Variants in CMIP observed in about 807,000 individuals in gnomAD.
CMIP encodes the protein c-Maf inducing protein, also known as C-Maf-inducing protein.
Under a neutral mutation model 97.3 loss-of-function variants are expected in CMIP, and 13 were observed. That is an observed-to-expected ratio of 0.13 (90% CI 0.09 to 0.21). CMIP has a LOEUF of 0.21. Among genes scored for constraint, CMIP ranks in the 10% least tolerant of loss-of-function variants. The probability of loss-of-function intolerance (pLI) is 1.00; values close to 1 mark genes in which losing one functional copy is unlikely to be tolerated. For synonymous variants in CMIP, 538 were observed against 436.3 expected, an observed-to-expected ratio of 1.23 and a Z score of -2.91; for missense variants, 847 against 1,024.9, an observed-to-expected ratio of 0.83 and a Z score of 2.37.
chr16:81,510,867 A>G (rs560743278), intron 1 of CMIP, among the ~76,000 whole-genome samples: 1 of 152,086 alleles, frequency 6.6e-6, no homozygotes, highest in Non-Finnish European at 1.5e-5. Flanking sequence ...CTACAGGTGC[A>G]TGCCACCTTG....
chr16:81,556,212 C>T (rs1250377345), intron 1 of CMIP, among the ~76,000 whole-genome samples: 1 of 152,016 alleles, frequency 6.6e-6, no homozygotes, highest in Non-Finnish European at 1.5e-5. Flanking sequence ...TGTTCTAGCC[C>T]GGGTGGGGTG....
At chr16:81,463,003 G>A (rs1436010118) in intron 1 of CMIP, among the ~76,000 whole-genome samples, 2 of 152,222 alleles carry the variant, frequency 1.3e-5, no homozygotes, top group South Asian at 2.1e-4. Flanking sequence ...GCATTTGAAC[G>A]CCTGGAATTT....
At chr16:81,497,535 G>T (rs2089513307) in intron 1 of CMIP, among the ~76,000 whole-genome samples, 1 of 152,222 alleles carries the variant, frequency 6.6e-6, no homozygotes, top group Non-Finnish European at 1.5e-5. Context: ...ATTAGTTTGA[G>T]CCCTACGGGG....
At chr16:81,483,777 A>G (rs2089270971) in intron 1 of CMIP, among the ~76,000 whole-genome samples, 1 of 152,148 alleles carries the variant, frequency 6.6e-6, no homozygotes, top group Admixed American at 6.5e-5. Context: ...TTTGCTATTT[A>G]TATAGCACAG....
intron 1 of CMIP, among the ~76,000 whole-genome samples, chr16:81,571,484 A>G (rs538922691): frequency 6.7e-6 from 1 of 150,370 alleles, no homozygotes; most frequent in East Asian, 2.0e-4. Context: ...GAAAGAGCCC[A>G]GCGCAGTGGC....
intron 16 of CMIP, among the ~76,000 whole-genome samples, chr16:81,702,223 G>C (rs952877809): frequency 5.9e-5 from 9 of 152,202 alleles, no homozygotes; most frequent in Non-Finnish European, 1.0e-4. Context: ...CCCTCAACCA[G>C]TCCCTTCTGG....
chr16:81,545,371 G>T (rs1205623864), intron 1 of CMIP, among the ~76,000 whole-genome samples: 1 of 152,248 alleles, frequency 6.6e-6, no homozygotes, highest in Non-Finnish European at 1.5e-5. Context: ...GCTTCTCGCA[G>T]TGAAGGAGCA....
At chr16:81,493,353 T>G (rs1259874520) in intron 1 of CMIP, among the ~76,000 whole-genome samples, 2 of 79,904 alleles carry the variant, frequency 2.5e-5, no homozygotes, top group African/African-American at 1.0e-4. Flanking sequence ...ACCCTCCGCG[T>G]TACCTGTCGT....
chr16:81,578,710 A>G (rs947262634), intron 1 of CMIP, among the ~76,000 whole-genome samples: 9 of 152,370 alleles, frequency 5.9e-5, no homozygotes, highest in Non-Finnish European at 1.2e-4. Flanking sequence ...ACATCACAAA[A>G]GACTGTGCAT....
intron 1 of CMIP, among the ~76,000 whole-genome samples, chr16:81,467,957 G>T (rs1907307271): frequency 6.7e-6 from 1 of 150,352 alleles, no homozygotes; most frequent in Admixed American, 6.6e-5. Context: ...TGAAATCACG[G>T]CTTACTGCAT....
intron 1 of CMIP, among the ~76,000 whole-genome samples, chr16:81,455,810 G>A (rs1022234630): frequency 6.6e-6 from 1 of 152,204 alleles, no homozygotes. Flanking sequence ...TGGCTCACAG[G>A]ACCCCTTTCT....
chr16:81,565,893 C>T (rs567540458), intron 1 of CMIP, among the ~76,000 whole-genome samples: 4 of 152,310 alleles, frequency 2.6e-5, no homozygotes, highest in African/African-American at 7.2e-5. Context: ...GCTTGGGGAG[C>T]GGGCACAGAT....
chr16:81,663,761 T>C (rs1325339392), intron 6 of CMIP, among the ~76,000 whole-genome samples: 3 of 152,250 alleles, frequency 2.0e-5, no homozygotes, highest in Non-Finnish European at 4.4e-5. Flanking sequence ...TGAGACCAGC[T>C]TGTGGGGTAG....
At chr16:81,448,046 A>G (rs1287004656) in intron 1 of CMIP, among the ~76,000 whole-genome samples, 1 of 152,266 alleles carries the variant, frequency 6.6e-6, no homozygotes, top group African/African-American at 2.4e-5. Flanking sequence ...AAATAAAACA[A>G]AGGTGAATTT....
chr16:81,583,050 TC>T (rs2091322624), intron 1 of CMIP, among the ~76,000 whole-genome samples: 1 of 152,196 alleles, frequency 6.6e-6, no homozygotes, highest in Admixed American at 6.5e-5. Context: ...AAGGAGTGTT[TC>T]TATCTAAAAT....
intron 10 of CMIP, among the ~76,000 whole-genome samples, chr16:81,682,304 C>G (rs922918563): frequency 6.6e-6 from 1 of 152,190 alleles, no homozygotes; most frequent in African/African-American, 2.4e-5. Flanking sequence ...GTGGCTCACA[C>G]CTGTAATCCC....
chr16:81,666,967 TGTG>T (rs2151029778), intron 7 of CMIP: 1 of 99,524 alleles, frequency 1.0e-5, no homozygotes, highest in East Asian at 4.4e-4. Context: ...TCTCAGCTGG[TGTG>T]GGGGGGGGGT....
intron 1 of CMIP, among the ~76,000 whole-genome samples, chr16:81,543,057 C>G (rs879322389): frequency 6.6e-6 from 1 of 152,146 alleles, no homozygotes; most frequent in Non-Finnish European, 1.5e-5. Flanking sequence ...TGGTCTGAGC[C>G]CTGCCCGCTG....
At chr16:81,587,521 A>G (rs927459093) in intron 1 of CMIP, among the ~76,000 whole-genome samples, 1 of 152,196 alleles carries the variant, frequency 6.6e-6, no homozygotes, top group Non-Finnish European at 1.5e-5. Flanking sequence ...GCAGATCATC[A>G]TCCCCATCAC....
Sources: allele counts gnomAD v4.1 joint callset (sites outside exome capture counted in the v4.1 genomes callset), GRCh38; gene constraint gnomAD v4.1.1; transcripts MANE v1.5; gene names NCBI Gene and HGNC (gene_info 2026-07-23, HGNC 2026-07-21).